GTF3C4: variants seen among roughly 807,000 people sequenced by gnomAD.
GTF3C4 encodes the protein general transcription factor 3C polypeptide 4.
GTF3C4 carries 28 observed loss-of-function variants against 67.5 expected under a neutral mutation model. The observed-to-expected ratio is 0.41, with a 90% CI of 0.31 to 0.57. The LOEUF (loss-of-function observed/expected upper bound fraction) is 0.57. Among genes scored for constraint, GTF3C4 ranks in the 20% least tolerant of loss-of-function variants. GTF3C4 has a pLI of 0.21. For synonymous variants in GTF3C4, 409 were observed against 393.0 expected (o/e 1.04, Z -0.48); for missense variants, 831 against 1,033.2 (o/e 0.80, Z 2.68).
At chr9:132,670,436 C>A, upstream of GTF3C4, 9 of 970,586 alleles carry the variant, frequency 9.3e-6, no homozygotes, top group Non-Finnish European at 1.3e-5. Context: ...CTGGTAGGGC[C>A]GCGTTGCCTG....
intron 2 of GTF3C4, among the ~76,000 whole-genome samples, chr9:132,681,568 C>CG (rs1246360645): frequency 2.0e-5 from 3 of 151,922 alleles, no homozygotes; most frequent in Non-Finnish European, 2.9e-5. Context: ...CACTCCCCCC[C>CG]GAACATTTTT....
At chr9:132,685,287 C>G (rs1836008474) in intron 3 of GTF3C4, among the ~76,000 whole-genome samples, 2 of 152,038 alleles carry the variant, frequency 1.3e-5, no homozygotes, top group East Asian at 3.9e-4. Flanking sequence ...TCCCAGAGTG[C>G]TGGAACTACA....
In GTF3C4 at chr9:132,670,957, T is replaced by C; in HGVS notation, c.357+2T>C. 6.3e-7 allele frequency: 1 copy of C among 1,596,912 alleles called. No individual in the cohort carries two copies. The highest frequency in any genetic ancestry group is 8.6e-7 in the Non-Finnish European group (1 of 1,166,144). On this transcript the variant is annotated splice_donor_variant, in intron 1 of 4. Transcript: ENST00000372146. LOFTEE classifies it high-confidence loss of function. Reference sequence around the variant, plus strand: ...CCGCTCAACAGCTGTCTCCTCAAAGTAAGTCATCCCCCGCCATCCCTGGGG... The same window carrying C: ...CCGCTCAACAGCTGTCTCCTCAAAGCAAGTCATCCCCCGCCATCCCTGGGG...
chr9:132,681,291 T>C (rs1835940314), intron 2 of GTF3C4, among the ~76,000 whole-genome samples: 1 of 152,184 alleles, frequency 6.6e-6, no homozygotes, highest in Non-Finnish European at 1.5e-5. Flanking sequence ...AGATACTCCA[T>C]GAGCCTGGGA....
At chr9:132,680,897 T>TCAGGAGAC (rs1187221522) in intron 2 of GTF3C4, among the ~76,000 whole-genome samples, 2 of 152,140 alleles carry the variant, frequency 1.3e-5, no homozygotes, top group Non-Finnish European at 2.9e-5. Flanking sequence ...GAACACAAGG[T>TCAGGAGAC]CAGGAGACCA....
upstream of GTF3C4, chr9:132,670,211 GCT>G (rs781000118): frequency 5.7e-6 from 9 of 1,566,034 alleles, no homozygotes; most frequent in Non-Finnish European, 7.8e-6. Context: ...CGCTGGGGAA[GCT>G]CTCTGAATGC....
intron 1 of GTF3C4, among the ~76,000 whole-genome samples, chr9:132,673,177 C>A (rs569028183): frequency 1.3e-5 from 2 of 151,330 alleles, no homozygotes; most frequent in African/African-American, 4.9e-5. Context: ...AGCCAGACTC[C>A]GTCTCAAAAA....
At position 132,670,632 on chromosome 9, in the gene GTF3C4, G is replaced by T; in HGVS notation, c.34G>T (p.Ala12Ser). The change falls in exon 1 of 5, where the codon GCG becomes TCG. Residue 12 changes from alanine to serine, a missense_variant. Ala to Ser is a moderately conservative substitution (Grantham distance 99, BLOSUM62 1). Coordinates refer to ENST00000372146, the MANE Select transcript of GTF3C4 (RefSeq NM_012204.4). ...NTADQARVGPADDGPAPSGEE... is the reference protein window; with the variant it reads ...NTADQARVGPSDDGPAPSGEE... Reference sequence around the variant, plus strand: ...GGCCGACCAGGCCCGGGTGGGGCCCGCGGACGACGGGCCTGCGCCGTCTGG... The same window carrying T: ...GGCCGACCAGGCCCGGGTGGGGCCCTCGGACGACGGGCCTGCGCCGTCTGG... 1 of 1,449,630 alleles carries T rather than the reference G, an allele frequency of 6.9e-7. No homozygotes were observed. Among genetic ancestry groups the T allele is most frequent in the Non-Finnish European group, 9.0e-7 (1 of 1,113,450 alleles). The allele number at this position is 1,449,630 out of a possible 1,614,324, so 89.8% of individuals were successfully genotyped here. A position where few individuals can be genotyped will look rare whatever the true frequency, so the allele number is the denominator to read the frequency against.
chr9:132,678,669 C>T lies in GTF3C4; in HGVS notation c.1050C>T (p.Val350=). The change falls in exon 2 of 5, where the codon GTC becomes GTT. Residue 350 remains valine, a synonymous_variant. Transcript: ENST00000372146. This position sits in a 1 kb window ranked among gnomAD's most constrained non-coding sequence, Gnocchi z 6.5. ...IKILPVNLKA[V]KGYFTLRQPV... is the part of the protein sequence containing the mutation. ...TTCTTCCTGTCAATCTCAAAGCAGT[C>T]AAAGGCTATTTCACTTTAAGGCAGC... The T allele has an allele frequency of 6.2e-7, 1 of 1,614,084 alleles. No individual in the cohort carries two copies. The highest frequency in any genetic ancestry group is 8.5e-7 in the Non-Finnish European group (1 of 1,179,966).
chr9:132,676,973 T>C (rs1835872761), intron 1 of GTF3C4, among the ~76,000 whole-genome samples: 2 of 152,250 alleles, frequency 1.3e-5, no homozygotes, highest in South Asian at 4.1e-4. Context: ...CTTCCTGCTT[T>C]CAACATAACA....
chr9:132,683,021 C>T (rs1032842615), intron 2 of GTF3C4, among the ~76,000 whole-genome samples: 1 of 152,196 alleles, frequency 6.6e-6, no homozygotes, highest in Non-Finnish European at 1.5e-5. Flanking sequence ...TGCCATGCCT[C>T]TGCAGTGGGG....
At position 132,678,297 on chromosome 9, in the gene GTF3C4, T is replaced by C; in HGVS notation, c.678T>C (p.Asn226=). 6.2e-7 allele frequency: 1 copy of C among 1,614,086 alleles called. No homozygotes were observed. The highest frequency in any genetic ancestry group is 1.1e-5 in the South Asian group (1 of 91,078). ...LYETSYRLSK[N]EAPEGNLGDF... ...AGACCAGTTACAGGCTCTCTAAAAATGAGGCCCCGGAAGGAAATCTCGGGG... is the reference window on the plus strand; with the variant it reads ...AGACCAGTTACAGGCTCTCTAAAAACGAGGCCCCGGAAGGAAATCTCGGGG... The change falls in exon 2 of 5, where the codon AAT becomes AAC. Residue 226 remains asparagine, a synonymous_variant. Transcript: ENST00000372146. This position sits in a 1 kb window ranked among gnomAD's most constrained non-coding sequence, Gnocchi z 6.5.
chr9:132,685,309 C>T (rs1300342948), intron 3 of GTF3C4, among the ~76,000 whole-genome samples: 1 of 152,104 alleles, frequency 6.6e-6, no homozygotes, highest in Non-Finnish European at 1.5e-5. Flanking sequence ...GCGTGAGCCA[C>T]TGCACCCGGC....
rs1207434605 is a variant in GTF3C4, at chr9:132,670,561, GGAGCGC to G, written c.-37_-32del. 7.4e-7 allele frequency: 1 copy of G among 1,357,324 alleles called. No homozygotes were observed. Among genetic ancestry groups the G allele is most frequent in the African/African-American group, 1.5e-5 (1 of 65,614 alleles). 84.1% of individuals were successfully genotyped at this position (1,357,324 alleles called of 1,614,324 possible). A position where few individuals can be genotyped will look rare whatever the true frequency, so the allele number is the denominator to read the frequency against. ...CCGGGAGGTGGTCGCGCGACTGCGT[GGAGCGC>G]CAGGGCGTCCGACCTCTGCACCTGA... On this transcript the variant is annotated 5_prime_UTR_variant, in exon 1 of 5. Coordinates refer to ENST00000372146, the MANE Select transcript of GTF3C4 (RefSeq NM_012204.4).
At position 132,683,658 on chromosome 9, in the gene GTF3C4, A is replaced by G; in HGVS notation, c.2280A>G (p.Lys760=). Residue 760 remains lysine, a synonymous_variant, in exon 3 of 5, where the codon AAA becomes AAG. Transcript: ENST00000372146. ...AGATCTTGCCATTCACAGATCGCAA[A>G]CAGGCAGTCTGTTCCAATGGCCACA... ...CKEILPFTDR[K]QAVCSNGHIW... is the part of the protein sequence containing the mutation. 1.2e-6 allele frequency: 2 copies of G among 1,612,934 alleles called. No individual in the cohort carries two copies. Among genetic ancestry groups the G allele is most frequent in the Non-Finnish European group, 1.7e-6 (2 of 1,179,732 alleles).
chr9:132,684,548 C>T lies in GTF3C4; in HGVS notation c.2315+855C>T, dbSNP rs999210211. The stretch of plus-strand genomic sequence containing the variant: ...AAACTAAAACCCTCTCAGTGATCCA[C>T]AAGACGCCACACAGCCTGGGGCCCC... On this transcript the variant is annotated intron_variant, in intron 3 of 4. Transcript: ENST00000372146. 6.6e-5 allele frequency among the ~76,000 whole-genome samples: 10 copies of T among 152,342 alleles called. No individual in the cohort carries two copies. The South Asian group carries it at 2.1e-3, about 32-fold the overall frequency.
chr9:132,673,452 A>G (rs1006793003), intron 1 of GTF3C4, among the ~76,000 whole-genome samples: 3 of 151,838 alleles, frequency 2.0e-5, no homozygotes, highest in African/African-American at 4.8e-5. Flanking sequence ...ATAAACCATC[A>G]GTCATTTAGC....
intron 3 of GTF3C4, among the ~76,000 whole-genome samples, chr9:132,684,775 C>G (rs370071795): frequency 4.6e-5 from 7 of 152,208 alleles, no homozygotes; most frequent in African/African-American, 1.7e-4. Flanking sequence ...ATCAGTTAGG[C>G]CTTCCTGGCC....
intron 3 of GTF3C4, among the ~76,000 whole-genome samples, chr9:132,684,714 C>T (rs1835999384): frequency 6.6e-6 from 1 of 152,178 alleles, no homozygotes; most frequent in South Asian, 2.1e-4. Context: ...ATTCCTCTAC[C>T]TAGGATGCTG....
Sources: gnomAD v4.1 joint callset for allele counts (sites outside exome capture counted in the v4.1 genomes callset) on GRCh38, gnomAD v4.1.1 for gene constraint, Gnocchi (gnomAD v3.1) non-coding constraint, MANE v1.5 for transcripts, NCBI Gene and HGNC (gene_info 2026-07-23, HGNC 2026-07-21) for gene names.